PARP8: variants seen among roughly 807,000 people sequenced by gnomAD.
PARP8 encodes the protein protein mono-ADP-ribosyltransferase PARP8.
Under a neutral mutation model 124.1 loss-of-function variants are expected in PARP8, and 51 were observed. The observed-to-expected ratio is 0.41, with a 90% CI of 0.33 to 0.52. The LOEUF (loss-of-function observed/expected upper bound fraction) is 0.52. PARP8 is among the 20% of genes least tolerant of loss of function. PARP8 has a pLI of 0.21. For missense variants in PARP8, 860 were observed against 1,018.9 expected (o/e 0.84, Z 2.12); for synonymous variants, 391 against 361.5 (o/e 1.08, Z -0.93).
rs185079508 is a variant in PARP8 at position 50,814,911 on chromosome 5, C to T, written c.1576-521C>T. Among the ~76,000 whole-genome samples, 25 of 152,166 alleles carry T rather than the reference C, an allele frequency of 1.6e-4. 1 individual carries two copies. The highest frequency in any genetic ancestry group is 2.6e-4 in the Non-Finnish European group (18 of 68,000). ...TCATGAGGTTATAGAAGTCAATAAC[C>T]GTTTCGTTTGCAACAAAACGAGTCT... On this transcript the variant is annotated intron_variant, in intron 14 of 25. Transcript: ENST00000281631.
At chr5:50,775,685 A>G (rs1227590006) in intron 7 of PARP8, among the ~76,000 whole-genome samples, 2 of 151,666 alleles carry the variant, frequency 1.3e-5, no homozygotes, top group South Asian at 2.1e-4. Context: ...TTTTTCATTT[A>G]TTTTTCAGAT....
Position 50,684,589 on chromosome 5 carries a change from A to G in PARP8, c.146+16464A>G, listed in dbSNP as rs137880495. ...GATAAAATGCCTAAGTCTAGTCTTG[A>G]CAGAGCACCAGCTTAAATCACATGA... On this transcript the variant is annotated intron_variant, in intron 2 of 25. Coordinates refer to ENST00000281631, the MANE Select transcript of PARP8 (RefSeq NM_024615.4). Among the ~76,000 whole-genome samples, 840 of 152,282 alleles carry G rather than the reference A, an allele frequency of 5.5e-3. 6 individuals carry two copies. Among genetic ancestry groups the G allele is most frequent in the African/African-American group, 0.019 (786 of 41,556 alleles).
rs903367844 is a variant in PARP8 at position 50,760,382 on chromosome 5, T to G, written c.345+20T>G. ...GGGGAGGTATGTAAATTATATTTTT[T>G]ATTTTCTTGAAACAGTATAGATATA... is the stretch of plus-strand genomic sequence containing the variant. On this transcript the variant is annotated intron_variant, in intron 5 of 25. Coordinates refer to ENST00000281631, the MANE Select transcript of PARP8 (RefSeq NM_024615.4). The G allele has an allele frequency of 5.4e-6, 8 of 1,477,292 alleles. No individual in the cohort carries two copies. The African/African-American group carries it at 1.1e-4, about 21-fold the overall frequency. The allele number at this position is 1,477,292 out of a possible 1,614,324, so 91.5% of individuals were successfully genotyped here.
At chr5:50,688,361 C>T (rs533281933) in intron 2 of PARP8, among the ~76,000 whole-genome samples, 16 of 152,182 alleles carry the variant, frequency 1.1e-4, no homozygotes, top group Non-Finnish European at 2.2e-4. Flanking sequence ...ACTTCAGTAA[C>T]TGCTGTTAGT....
chr5:50,802,618 T>C lies in PARP8; in HGVS notation c.1575+5385T>C, dbSNP rs1279640352. Among the ~76,000 whole-genome samples the C allele has an allele frequency of 2.0e-5, 3 of 152,284 alleles. No individual in the cohort carries two copies. The East Asian group carries it at 5.8e-4, about 29-fold the overall frequency. ...AGGCATGAGCCACTGTACCCAGCCTTAATAATATATAAAAACTTTGCTCCT... is the reference window on the plus strand; with the variant it reads ...AGGCATGAGCCACTGTACCCAGCCTCAATAATATATAAAAACTTTGCTCCT... On this transcript the variant is annotated intron_variant, in intron 14 of 25. Transcript: ENST00000281631.
At chr5:50,771,214 C>T (rs183835433) in intron 7 of PARP8, among the ~76,000 whole-genome samples, 1 of 151,998 alleles carries the variant, frequency 6.6e-6, no homozygotes, top group East Asian at 1.9e-4. Context: ...AGCTGGAGTG[C>T]AATGGCACGA....
At chr5:50,756,727 A>G (rs1760001086) in intron 3 of PARP8, among the ~76,000 whole-genome samples, 1 of 152,198 alleles carries the variant, frequency 6.6e-6, no homozygotes, top group Non-Finnish European at 1.5e-5. Flanking sequence ...GATCAAATTA[A>G]TTAACATATC....
At chr5:50,774,564 C>T (rs868350521) in intron 7 of PARP8, among the ~76,000 whole-genome samples, 11 of 119,936 alleles carry the variant, frequency 9.2e-5, no homozygotes, top group South Asian at 3.0e-4. Flanking sequence ...AGATGATGGG[C>T]GGCCGGGCAG....
At chr5:50,721,536 A>G (rs59696604) in intron 2 of PARP8, among the ~76,000 whole-genome samples, 2,251 of 152,086 alleles carry the variant, frequency 0.015, 58 homozygotes, top group African/African-American at 0.052. Flanking sequence ...CTTAATTCCA[A>G]AAGTCAAGGA....
chr5:50,671,923 T>G (rs1030204484), intron 2 of PARP8, among the ~76,000 whole-genome samples: 4 of 152,238 alleles, frequency 2.6e-5, no homozygotes, highest in Non-Finnish European at 5.9e-5. Flanking sequence ...TGTGTGGTCA[T>G]GGATATATTG....
At chr5:50,700,904 A>G (rs1396127064) in intron 2 of PARP8, among the ~76,000 whole-genome samples, 1 of 152,078 alleles carries the variant, frequency 6.6e-6, no homozygotes, top group Non-Finnish European at 1.5e-5. Context: ...GAAGTAGTTA[A>G]TAGATAATCC....
intron 15 of PARP8, among the ~76,000 whole-genome samples, chr5:50,816,166 G>A (rs1485775207): frequency 6.6e-6 from 1 of 152,158 alleles, no homozygotes; most frequent in Non-Finnish European, 1.5e-5. Context: ...GCAAAGAATA[G>A]TATGGCAGAT....
intron 14 of PARP8, among the ~76,000 whole-genome samples, chr5:50,812,910 G>T (rs1336804106): frequency 2.0e-5 from 3 of 152,196 alleles, no homozygotes; most frequent in South Asian, 4.2e-4. Flanking sequence ...TTGTAGATGT[G>T]TGGTATTATT....
chr5:50,766,374 A>G (rs1761062890), intron 7 of PARP8, among the ~76,000 whole-genome samples: 1 of 152,222 alleles, frequency 6.6e-6, no homozygotes, highest in Admixed American at 6.5e-5. Flanking sequence ...TTCATTGTAA[A>G]TGTACCTCCC....
At chr5:50,710,408 G>T (rs575029448) in intron 2 of PARP8, among the ~76,000 whole-genome samples, 133 of 152,070 alleles carry the variant, frequency 8.7e-4, no homozygotes, top group African/African-American at 3.0e-3. Flanking sequence ...TTTTGCCTTA[G>T]AACTTTATCA....
chr5:50,765,015 A>G (rs1760921928), intron 7 of PARP8, among the ~76,000 whole-genome samples: 1 of 151,868 alleles, frequency 6.6e-6, no homozygotes, highest in Non-Finnish European at 1.5e-5. Context: ...TAATCCTAGC[A>G]CTTTGGGAGG....
At chr5:50,793,658 C>T (rs113689467) in intron 10 of PARP8, among the ~76,000 whole-genome samples, 4 of 152,160 alleles carry the variant, frequency 2.6e-5, no homozygotes, top group African/African-American at 7.2e-5. Flanking sequence ...CATATTTCTA[C>T]GTAGAGCCAG....
intron 2 of PARP8, among the ~76,000 whole-genome samples, chr5:50,718,837 G>A (rs924668673): frequency 6.6e-6 from 1 of 151,984 alleles, no homozygotes; most frequent in Non-Finnish European, 1.5e-5. Context: ...TATATACACA[G>A]CAATGGAATT....
chr5:50,772,369 A>G (rs1336267186), intron 7 of PARP8, among the ~76,000 whole-genome samples: 4 of 152,202 alleles, frequency 2.6e-5, no homozygotes, highest in Non-Finnish European at 4.4e-5. Flanking sequence ...TAAATGTCCA[A>G]TCATGGAACT....
Sources: gnomAD v4.1 joint callset for allele counts (sites outside exome capture counted in the v4.1 genomes callset) on GRCh38, gnomAD v4.1.1 for gene constraint, MANE v1.5 for transcripts, NCBI Gene and HGNC (gene_info 2026-07-23, HGNC 2026-07-21) for gene names.